Variants in DOCK2 observed in about 807,000 individuals in gnomAD.
DOCK2 encodes the protein dedicator of cytokinesis 2.
DOCK2 carries 87 observed loss-of-function variants against 248.9 expected under a neutral mutation model. The ratio of observed to expected loss-of-function variants is 0.35; its 90% CI spans 0.29 to 0.42. DOCK2 has a LOEUF of 0.42. Ranked by LOEUF, DOCK2 falls within the 10% of genes least tolerant of loss-of-function variation. The pLI is 1.00. For missense variants in DOCK2, 1,747 were observed against 2,300.2 expected, an observed-to-expected ratio of 0.76 and a Z score of 4.92; for synonymous variants, 805 against 821.6, an observed-to-expected ratio of 0.98 and a Z score of 0.35.
intron 27 of DOCK2, among the ~76,000 whole-genome samples, chr5:169,869,707 G>A (rs981989148): frequency 6.6e-6 from 1 of 152,218 alleles, no homozygotes; most frequent in African/African-American, 2.4e-5. Context: ...CCAACTTGGT[G>A]AAAATTGAAG....
chr5:169,752,550 G>A (rs990783331), intron 23 of DOCK2, among the ~76,000 whole-genome samples: 4 of 151,142 alleles, frequency 2.6e-5, no homozygotes, highest in Non-Finnish European at 5.9e-5. Context: ...ACCAGGCTGG[G>A]GAACATAGTG....
intron 25 of DOCK2, among the ~76,000 whole-genome samples, chr5:169,792,605 C>T (rs1420894360): frequency 6.6e-6 from 1 of 152,042 alleles, no homozygotes; most frequent in Non-Finnish European, 1.5e-5. Flanking sequence ...TGCCCAGCAC[C>T]CAGCTAGGAA....
intron 42 of DOCK2, 108 bp from the exon 43 acceptor site, chr5:170,056,576 C>A (rs918169941): frequency 2.4e-6 from 2 of 823,524 alleles, no homozygotes; most frequent in African/African-American, 1.7e-5. Flanking sequence ...GGGACTCTGC[C>A]AGGCCTGAAG....
chr5:169,826,211 A>G (rs1180385014), intron 26 of DOCK2, among the ~76,000 whole-genome samples: 2 of 152,188 alleles, frequency 1.3e-5, no homozygotes, highest in African/African-American at 4.8e-5. Flanking sequence ...TGTGATCTAA[A>G]GAAATATGAA....
intron 22 of DOCK2, among the ~76,000 whole-genome samples, chr5:169,731,495 A>G (rs1762765416): frequency 6.6e-6 from 1 of 152,132 alleles, no homozygotes. Flanking sequence ...GACACATGGA[A>G]TGTAAGTCCA....
At chr5:169,765,068 G>GCACACACACACACACACA (rs764611025) in intron 25 of DOCK2, among the ~76,000 whole-genome samples, 3 of 79,664 alleles carry the variant, frequency 3.8e-5, no homozygotes, top group African/African-American at 1.2e-4. Flanking sequence ...GGCTCTTTTA[G>GCACACACACACACACACA]CGCACACACA....
chr5:169,827,338 C>A (rs1768932800), intron 26 of DOCK2, among the ~76,000 whole-genome samples: 1 of 152,150 alleles, frequency 6.6e-6, no homozygotes, highest in Non-Finnish European at 1.5e-5. Flanking sequence ...TCTCAGTTCA[C>A]TTCAGGCTGC....
At chr5:169,803,031 C>T (rs1399402589) in intron 25 of DOCK2, 27 bp from the exon 26 acceptor site, 2 of 1,608,406 alleles carry the variant, frequency 1.2e-6, no homozygotes, top group East Asian at 4.5e-5. Context: ...AGGAATTCTA[C>T]ACTACTCTGA....
chr5:169,956,114 T>C (rs1324296390), intron 27 of DOCK2, among the ~76,000 whole-genome samples: 1 of 152,108 alleles, frequency 6.6e-6, no homozygotes, highest in African/African-American at 2.4e-5. Flanking sequence ...AAATTTGCTG[T>C]GTCCTTGATT....
At chr5:169,733,087 T>C (rs763368006) in intron 22 of DOCK2, among the ~76,000 whole-genome samples, 6 of 152,134 alleles carry the variant, frequency 3.9e-5, no homozygotes, top group Non-Finnish European at 8.8e-5. Flanking sequence ...TTTGAATTCA[T>C]TTCTACCATT....
chr5:170,065,682 G>A (rs1221188271), intron 44 of DOCK2, among the ~76,000 whole-genome samples: 1 of 152,148 alleles, frequency 6.6e-6, no homozygotes, highest in South Asian at 2.1e-4. Context: ...GCTTGTGCAG[G>A]GAAATTCCCT....
At chr5:170,055,440 C>T in intron 42 of DOCK2, 54 bp downstream of exon 42, 2 of 1,543,138 alleles carry the variant, frequency 1.3e-6, no homozygotes, top group Middle Eastern at 1.7e-4. Flanking sequence ...CCATTGGGGC[C>T]ACCAAACTGA....
intron 14 of DOCK2, among the ~76,000 whole-genome samples, chr5:169,706,333 CT>C (rs1399279808): frequency 2.6e-5 from 4 of 152,168 alleles, no homozygotes; most frequent in African/African-American, 7.2e-5. Context: ...AGATATAAAT[CT>C]TTGTAGGCTG....
intron 29 of DOCK2, among the ~76,000 whole-genome samples, chr5:169,994,490 G>C (rs934854346): frequency 5.3e-5 from 8 of 152,186 alleles, no homozygotes; most frequent in South Asian, 2.1e-4. Flanking sequence ...TGGATGTAAA[G>C]TGTGCTCATA....
At chr5:169,956,547 G>A (rs1231335052) in intron 27 of DOCK2, among the ~76,000 whole-genome samples, 1 of 152,170 alleles carries the variant, frequency 6.6e-6, no homozygotes, top group African/African-American at 2.4e-5. Context: ...AGAGAGAAAG[G>A]TATCATCTAC....
At chr5:170,022,891 C>G (rs754419926) in intron 33 of DOCK2, among the ~76,000 whole-genome samples, 3 of 152,170 alleles carry the variant, frequency 2.0e-5, no homozygotes, top group Admixed American at 2.0e-4. Context: ...ACCCCCATCC[C>G]ATGTCATTCA....
intron 27 of DOCK2, among the ~76,000 whole-genome samples, chr5:169,969,648 G>A (rs1234734863): frequency 6.6e-6 from 1 of 152,210 alleles, no homozygotes; most frequent in Non-Finnish European, 1.5e-5. Context: ...TGTAGGAAAG[G>A]TCACACGTGC....
chr5:170,048,383 A>C (rs1756791430), intron 40 of DOCK2, among the ~76,000 whole-genome samples: 1 of 152,222 alleles, frequency 6.6e-6, no homozygotes, highest in African/African-American at 2.4e-5. Flanking sequence ...TAACAAAGAG[A>C]GACCCTGTCT....
intron 2 of DOCK2, among the ~76,000 whole-genome samples, chr5:169,657,145 A>T (rs1758167097): frequency 6.6e-6 from 1 of 152,108 alleles, no homozygotes; most frequent in African/African-American, 2.4e-5. Flanking sequence ...TCATGCATAC[A>T]CTCATGGCCA....
Sources: gnomAD v4.1 joint callset for allele counts (sites outside exome capture counted in the v4.1 genomes callset) on GRCh38, gnomAD v4.1.1 for gene constraint, MANE v1.5 for transcripts, NCBI Gene and HGNC (gene_info 2026-07-23, HGNC 2026-07-21) for gene names.